THSD4: variants seen among roughly 807,000 people sequenced by gnomAD.
The protein encoded by THSD4 is thrombospondin type 1 domain containing 4.
A neutral mutation model predicts 119.0 loss-of-function variants in THSD4; 69 were observed. That is an observed-to-expected ratio of 0.58 (90% CI 0.48 to 0.71). The LOEUF (loss-of-function observed/expected upper bound fraction) is 0.71. Among genes scored for constraint, THSD4 ranks in the 30% least tolerant of loss-of-function variants. The probability of loss-of-function intolerance (pLI) is 0.00; values close to 1 mark genes in which losing one functional copy is unlikely to be tolerated. For synonymous variants in THSD4, 524 were observed against 540.4 expected (o/e 0.97, Z 0.42); for missense variants, 1,393 against 1,391.1 (o/e 1.00, Z -0.02).
chr15:71,462,202 C>T (rs1326949582), intron 7 of THSD4, among the ~76,000 whole-genome samples: 1 of 152,160 alleles, frequency 6.6e-6, no homozygotes, highest in African/African-American at 2.4e-5. Flanking sequence ...CACTCTGTCA[C>T]CCCGGCTGGA....
Position 71,746,971 on chromosome 15 carries a change from A to G in THSD4, c.2170A>G (p.Lys724Glu). ...VQPYRCQHLE[K>E]PETTSTCQLK... The stretch of plus-strand genomic sequence containing the variant: ...GCCCTACCGCTGCCAGCACCTGGAG[A>G]AACCTGAGACCACCAGCACCTGCCA... Residue 724 changes from lysine (K) to glutamate (E), a missense_variant, in exon 13 of 18, where the codon AAA becomes GAA. Transcript: ENST00000261862. 2 of 1,613,682 alleles carry G rather than the reference A, an allele frequency of 1.2e-6. No homozygotes were observed. Among genetic ancestry groups the G allele is most frequent in the Non-Finnish European group, 1.7e-6 (2 of 1,179,992 alleles).
At chr15:71,488,046 AAAGT>A (rs1375573127) in intron 7 of THSD4, among the ~76,000 whole-genome samples, 2 of 152,148 alleles carry the variant, frequency 1.3e-5, no homozygotes, top group Admixed American at 1.3e-4. Context: ...TTCTAGCACA[AAAGT>A]AAGAGTGAAA....
chr15:71,476,451 A>G (rs1451871126), intron 7 of THSD4, among the ~76,000 whole-genome samples: 1 of 152,162 alleles, frequency 6.6e-6, no homozygotes, highest in East Asian at 1.9e-4. Context: ...CATGTTGGCC[A>G]GGCTGGTCTC....
At chr15:71,207,590 G>A (rs1210177860) in intron 3 of THSD4, among the ~76,000 whole-genome samples, 2 of 152,212 alleles carry the variant, frequency 1.3e-5, no homozygotes, top group Non-Finnish European at 2.9e-5. Context: ...GCCGCAGCCT[G>A]TTAGGAACCC....
At chr15:71,601,452 C>A (rs954354356) in intron 7 of THSD4, among the ~76,000 whole-genome samples, 2 of 152,208 alleles carry the variant, frequency 1.3e-5, no homozygotes, top group African/African-American at 2.4e-5. Context: ...ACTGGGTGAG[C>A]ATGTCCAGGC....
intron 7 of THSD4, among the ~76,000 whole-genome samples, chr15:71,616,386 G>A (rs945904015): frequency 6.6e-6 from 1 of 152,130 alleles, no homozygotes; most frequent in African/African-American, 2.4e-5. Context: ...CCATTCTTAG[G>A]TGCTTATTTT....
chr15:71,629,500 G>A (rs950668), intron 7 of THSD4, among the ~76,000 whole-genome samples: 65,977 of 151,932 alleles, frequency 0.43, 14,866 homozygotes, highest in Middle Eastern at 0.48. Flanking sequence ...GCCACACTCA[G>A]ATATCACCCG....
intron 4 of THSD4, among the ~76,000 whole-genome samples, chr15:71,230,900 C>A (rs902000134): frequency 2.0e-5 from 3 of 152,184 alleles, no homozygotes; most frequent in African/African-American, 7.2e-5. Context: ...GATTCATCTC[C>A]TTGCTGGGAG....
At chr15:71,536,825 G>T (rs2048694344) in intron 7 of THSD4, among the ~76,000 whole-genome samples, 1 of 152,126 alleles carries the variant, frequency 6.6e-6, no homozygotes, top group Non-Finnish European at 1.5e-5. Context: ...GGAAGTAGGG[G>T]TCTATCCTCA....
rs2046784094 is a variant in THSD4 at position 71,418,980 on chromosome 15, C to T, written c.1152+7157C>T. Among the ~76,000 whole-genome samples, 2 of 108,038 alleles carry T rather than the reference C, an allele frequency of 1.9e-5. 1 individual carries two copies. The highest frequency in any genetic ancestry group is 4.1e-5 in the Non-Finnish European group (2 of 49,216). 70.9% of individuals were successfully genotyped at this position (108,038 alleles called of 152,430 possible). ...GACATATAGTTGCTTATAGTAGTCA[C>T]TGTTGATCCTTTGAATTTCTGTGGT... On this transcript the variant is annotated intron_variant, in intron 7 of 17. Transcript: ENST00000261862.
intron 7 of THSD4, among the ~76,000 whole-genome samples, chr15:71,544,607 A>G (rs1230713774): frequency 1.3e-5 from 2 of 152,228 alleles, no homozygotes; most frequent in African/African-American, 4.8e-5. Flanking sequence ...TAGCTTCTCA[A>G]AAAGTTAAAC....
At chr15:71,290,040 G>A (rs1198715868) in intron 6 of THSD4, among the ~76,000 whole-genome samples, 1 of 152,090 alleles carries the variant, frequency 6.6e-6, no homozygotes, top group Non-Finnish European at 1.5e-5. Flanking sequence ...GATACACATT[G>A]CCCCCAAAGA....
Position 71,404,982 on chromosome 15 carries a change from G to A in THSD4, c.1016-6705G>A, listed in dbSNP as rs371805324. On this transcript the variant is annotated intron_variant, in intron 6 of 17. Coordinates refer to ENST00000261862, the MANE Select transcript of THSD4 (RefSeq NM_024817.3). The stretch of plus-strand genomic sequence containing the variant: ...CAGCTCACTACAACCTCTGCCTCCC[G>A]GGTTCAAGCAGTTCTCCTGCCTCAG... Among the ~76,000 whole-genome samples the A allele has an allele frequency of 6.5e-4, 99 of 151,928 alleles. No homozygotes were observed. In the East Asian group the frequency reaches 0.011, roughly 17 times the overall value.
chr15:71,693,726 C>G (rs2052102697), intron 8 of THSD4, among the ~76,000 whole-genome samples: 1 of 152,154 alleles, frequency 6.6e-6, no homozygotes, highest in Non-Finnish European at 1.5e-5. Flanking sequence ...TTCCCCTATG[C>G]TGTTCTCATG....
intron 3 of THSD4, among the ~76,000 whole-genome samples, chr15:71,209,118 C>A (rs963137595): frequency 2.0e-5 from 3 of 152,156 alleles, no homozygotes; most frequent in Admixed American, 6.5e-5. Context: ...GGAGAGAGCA[C>A]TGATTTGATT....
chr15:71,169,727 A>G (rs2043335515), intron 3 of THSD4, among the ~76,000 whole-genome samples: 1 of 152,220 alleles, frequency 6.6e-6, no homozygotes, highest in Admixed American at 6.5e-5. Flanking sequence ...TTAGACAACA[A>G]AAGATAGTTA....
intron 1 of THSD4, among the ~76,000 whole-genome samples, chr15:71,137,853 G>A (rs2040565591): frequency 6.6e-6 from 1 of 152,104 alleles, no homozygotes; most frequent in Non-Finnish European, 1.5e-5. Context: ...AAAAAAATAA[G>A]CATACAACTT....
rs140582589 is a variant in THSD4 at position 71,530,665 on chromosome 15, T to C, written c.1152+118842T>C. ...TAGAAAGGATCTGTCCTCCAAAATA[T>C]CTCCTCATCCAGTTTGCCTTGATTA... On this transcript the variant is annotated intron_variant, in intron 7 of 17. Transcript: ENST00000261862. Among the ~76,000 whole-genome samples the C allele has an allele frequency of 5.4e-3, 818 of 152,254 alleles. 10 individuals carry two copies. Among genetic ancestry groups the C allele is most frequent in the African/African-American group, 0.019 (795 of 41,542 alleles).
chr15:71,596,294 T>C (rs2049905736), intron 7 of THSD4, among the ~76,000 whole-genome samples: 1 of 152,204 alleles, frequency 6.6e-6, no homozygotes, highest in African/African-American at 2.4e-5. Flanking sequence ...CGCAGTCAGA[T>C]TGTGACATTG....
Sources: gnomAD v4.1 joint callset for allele counts (sites outside exome capture counted in the v4.1 genomes callset) on GRCh38, gnomAD v4.1.1 for gene constraint, MANE v1.5 for transcripts, NCBI Gene and HGNC (gene_info 2026-07-23, HGNC 2026-07-21) for gene names.